Variants in CNTN4 observed in about 807,000 individuals in gnomAD.
The protein encoded by CNTN4 is contactin-4.
CNTN4 carries 77 observed loss-of-function variants against 122.5 expected under a neutral mutation model. That is an observed-to-expected ratio of 0.63 (90% CI 0.52 to 0.76). The LOEUF (loss-of-function observed/expected upper bound fraction) is 0.76. Ranked by LOEUF, CNTN4 falls within the 30% of genes least tolerant of loss-of-function variation. The pLI, the probability that CNTN4 is intolerant of heterozygous loss-of-function variation, is 0.00. For missense variants in CNTN4, 1,256 were observed against 1,259.1 expected, an observed-to-expected ratio of 1.00 and a Z score of 0.04; for synonymous variants, 512 against 447.0, an observed-to-expected ratio of 1.15 and a Z score of -1.83.
At chr3:2,620,584 C>T (rs948663069) in intron 4 of CNTN4, among the ~76,000 whole-genome samples, 1 of 152,030 alleles carries the variant, frequency 6.6e-6, no homozygotes, top group Non-Finnish European at 1.5e-5. Context: ...AGCCTCATAC[C>T]TTCATTCTAC....
At chr3:2,804,540 C>G (rs2150085538) in intron 6 of CNTN4, among the ~76,000 whole-genome samples, 1 of 152,248 alleles carries the variant, frequency 6.6e-6, no homozygotes, top group African/African-American at 2.4e-5. Flanking sequence ...AGGATAATGC[C>G]TAGCACATAG....
chr3:2,585,806 T>C (rs577402313), intron 4 of CNTN4, among the ~76,000 whole-genome samples: 1 of 150,292 alleles, frequency 6.7e-6, no homozygotes, highest in South Asian at 2.1e-4. Flanking sequence ...ACCTGCACAT[T>C]GTGCACACGT....
chr3:2,670,351 C>T (rs1269223530), intron 4 of CNTN4, among the ~76,000 whole-genome samples: 1 of 152,080 alleles, frequency 6.6e-6, no homozygotes, highest in Non-Finnish European at 1.5e-5. Context: ...ATGTAATGGC[C>T]TTCTTTGTCT....
intron 3 of CNTN4, among the ~76,000 whole-genome samples, chr3:2,365,415 C>A (rs1357004517): frequency 3.3e-5 from 5 of 152,102 alleles, no homozygotes; most frequent in Admixed American, 2.0e-4. Context: ...GAACATGTTT[C>A]CCATTACTTT....
At chr3:2,452,950 T>C (rs540326746) in intron 3 of CNTN4, among the ~76,000 whole-genome samples, 1 of 152,130 alleles carries the variant, frequency 6.6e-6, no homozygotes, top group East Asian at 1.9e-4. Context: ...CCTTCATTAT[T>C]GCAAATCTTC....
intron 3 of CNTN4, among the ~76,000 whole-genome samples, chr3:2,523,233 T>C (rs972285703): frequency 6.6e-6 from 1 of 151,962 alleles, no homozygotes; most frequent in African/African-American, 2.4e-5. Flanking sequence ...CTTATGAAAG[T>C]GAAATGTGGG....
intron 4 of CNTN4, among the ~76,000 whole-genome samples, chr3:2,645,946 C>T (rs1008008275): frequency 1.3e-5 from 2 of 152,224 alleles, no homozygotes; most frequent in African/African-American, 4.8e-5. Flanking sequence ...AACTGTATCA[C>T]TTCAACTATT....
chr3:2,831,490 G>A (rs1368147533), intron 7 of CNTN4, among the ~76,000 whole-genome samples: 7 of 152,180 alleles, frequency 4.6e-5, no homozygotes, highest in Admixed American at 2.6e-4. Flanking sequence ...GAGAATGTTC[G>A]TGATATCTGA....
At position 2,548,685 on chromosome 3, in the gene CNTN4, T is replaced by G. The variant is rs538586712; in HGVS notation, c.-88-22731T>G. Among the ~76,000 whole-genome samples the G allele has an allele frequency of 1.1e-4, 17 of 152,258 alleles. 1 individual carries two copies. The highest frequency in any genetic ancestry group is 4.1e-4 in the African/African-American group (17 of 41,550). On this transcript the variant is annotated intron_variant, in intron 3 of 24. Coordinates refer to ENST00000418658, the MANE Select transcript of CNTN4 (RefSeq NM_175607.3). ...TCTTTTTTTGGTTCCATATGAAATT[T>G]GAAGTAGTTTTTTCTAATTTTGTGA...
At chr3:2,178,949 G>C (rs761315388) in intron 2 of CNTN4, among the ~76,000 whole-genome samples, 1 of 151,930 alleles carries the variant, frequency 6.6e-6, no homozygotes, top group Non-Finnish European at 1.5e-5. Context: ...CCTTTAGGTT[G>C]GAACTGAGTA....
chr3:2,775,108 T>C (rs2091263865), intron 6 of CNTN4, among the ~76,000 whole-genome samples: 1 of 152,254 alleles, frequency 6.6e-6, no homozygotes, highest in African/African-American at 2.4e-5. Context: ...CTTTTGCATC[T>C]TAAAGGCATT....
intron 21 of CNTN4, 64 bp downstream of exon 21, chr3:3,042,486 G>C (rs1015769220): frequency 6.6e-6 from 7 of 1,063,032 alleles, no homozygotes; most frequent in African/African-American, 6.2e-5. Flanking sequence ...AGTCCTCCAA[G>C]TCACATTCTT....
At chr3:2,909,000 G>A (rs570950219) in intron 12 of CNTN4, among the ~76,000 whole-genome samples, 1 of 152,292 alleles carries the variant, frequency 6.6e-6, no homozygotes, top group South Asian at 2.1e-4. Flanking sequence ...GCGATTATCT[G>A]GTTAATTTGG....
At chr3:2,118,142 T>A (rs1254230147) in intron 2 of CNTN4, among the ~76,000 whole-genome samples, 1 of 152,228 alleles carries the variant, frequency 6.6e-6, no homozygotes, top group Non-Finnish European at 1.5e-5. Context: ...CATTTAAACC[T>A]ATAATAGTCC....
chr3:2,377,771 G>GTT (rs368049000), intron 3 of CNTN4, among the ~76,000 whole-genome samples: 4 of 144,222 alleles, frequency 2.8e-5, no homozygotes, highest in South Asian at 2.1e-4. Context: ...ATTTTTTTGT[G>GTT]ATTATTTTTT....
rs114972076 is a variant in CNTN4, at chr3:2,636,076, T to A, written c.55+64518T>A. Among the ~76,000 whole-genome samples the A allele has an allele frequency of 2.5e-3, 378 of 152,274 alleles. 1 individual carries two copies. Among genetic ancestry groups the A allele is most frequent in the Non-Finnish European group, 4.5e-3 (304 of 68,016 alleles). On this transcript the variant is annotated intron_variant, in intron 4 of 24. Transcript: ENST00000418658. ...AGATGAATTTGAGACTGATCTCCCATCTCCTTGGCTGCAGAACCTGATTAA... is the reference window on the plus strand; with the variant it reads ...AGATGAATTTGAGACTGATCTCCCAACTCCTTGGCTGCAGAACCTGATTAA...
chr3:2,842,107 A>C (rs1245242467), intron 7 of CNTN4, among the ~76,000 whole-genome samples: 1 of 152,228 alleles, frequency 6.6e-6, no homozygotes, highest in Non-Finnish European at 1.5e-5. Flanking sequence ...GTTCTTCAAC[A>C]TAAGGGCAAC....
chr3:2,903,406 C>T (rs75015076), intron 12 of CNTN4, among the ~76,000 whole-genome samples: 11,015 of 152,262 alleles, frequency 0.072, 455 homozygotes, highest in Middle Eastern at 0.14. Context: ...TGCTCTTCCA[C>T]ATCTGAATTT....
chr3:3,032,108 T>TA (rs1162918349), intron 16 of CNTN4, among the ~76,000 whole-genome samples: 6 of 152,124 alleles, frequency 3.9e-5, no homozygotes, highest in Middle Eastern at 3.2e-3. Flanking sequence ...CAATTGCCTT[T>TA]AAAAAAACTT....
Sources: allele counts gnomAD v4.1 joint callset (sites outside exome capture counted in the v4.1 genomes callset), GRCh38; gene constraint gnomAD v4.1.1; transcripts MANE v1.5; gene names NCBI Gene and HGNC (gene_info 2026-07-23, HGNC 2026-07-21).